The following DLG2 variants were observed in gnomAD, a reference collection of about 807,000 sequenced individuals.
DLG2 encodes the protein discs large MAGUK scaffold protein 2, also known as disks large homolog 2.
Under a neutral mutation model 132.5 loss-of-function variants are expected in DLG2, and 45 were observed. That is an observed-to-expected ratio of 0.34 (90% CI 0.27 to 0.44). The LOEUF is 0.44. DLG2 is among the 20% of genes least tolerant of loss of function. DLG2 has a pLI of 1.00. For synonymous variants in DLG2, 424 were observed against 419.6 expected (o/e 1.01, Z -0.13); for missense variants, 1,045 against 1,196.9 (o/e 0.87, Z 1.87).
chr11:85,191,160 G>GCACACACA (rs1256970184), intron 4 of DLG2, among the ~76,000 whole-genome samples: 97 of 101,160 alleles, frequency 9.6e-4, no homozygotes, highest in African/African-American at 3.7e-3. Context: ...GCGCGCACGC[G>GCACACACA]CGCACACACA....
At chr11:83,863,741 C>T (rs2061823367) in intron 16 of DLG2, among the ~76,000 whole-genome samples, 2 of 152,220 alleles carry the variant, frequency 1.3e-5, no homozygotes, top group South Asian at 4.2e-4. Context: ...GGTTTAGTAA[C>T]AGCTCAAGGT....
intron 6 of DLG2, among the ~76,000 whole-genome samples, chr11:84,729,396 G>C (rs2062878883): frequency 6.6e-6 from 1 of 152,138 alleles, no homozygotes; most frequent in Non-Finnish European, 1.5e-5. Context: ...TTTTGAGTGA[G>C]TTTCTTAATC....
intron 15 of DLG2, among the ~76,000 whole-genome samples, chr11:83,907,739 C>T (rs963563145): frequency 2.0e-5 from 3 of 152,134 alleles, no homozygotes; most frequent in African/African-American, 7.2e-5. Flanking sequence ...AAATCACACT[C>T]AGGAAATGTG....
chr11:85,312,254 A>G (rs1596150535), intron 3 of DLG2, among the ~76,000 whole-genome samples: 1 of 151,820 alleles, frequency 6.6e-6, no homozygotes, highest in South Asian at 2.1e-4. Flanking sequence ...AATGGATAAT[A>G]CCTTATTTTG....
intron 18 of DLG2, among the ~76,000 whole-genome samples, chr11:83,685,629 C>T (rs911440121): frequency 1.3e-5 from 2 of 152,022 alleles, no homozygotes; most frequent in East Asian, 1.9e-4. Flanking sequence ...TTTATACTCG[C>T]TCCCAAGGCT....
At chr11:84,923,173 C>A (rs2092840476) in intron 6 of DLG2, 1 of 1,611,936 alleles carries the variant, frequency 6.2e-7, no homozygotes, top group South Asian at 1.1e-5. Context: ...ACAGCGCAAG[C>A]CCCACACACA....
intron 7 of DLG2, among the ~76,000 whole-genome samples, chr11:84,364,223 C>T (rs1311631900): frequency 6.6e-6 from 1 of 151,984 alleles, no homozygotes; most frequent in Non-Finnish European, 1.5e-5. Context: ...AGAGGTCCTT[C>T]ACATCCCTTG....
At chr11:83,968,494 T>C (rs1001216567) in intron 12 of DLG2, among the ~76,000 whole-genome samples, 2 of 152,248 alleles carry the variant, frequency 1.3e-5, no homozygotes, top group African/African-American at 4.8e-5. Flanking sequence ...TGTCAGACTC[T>C]GGGCCAGATA....
At chr11:85,294,943 C>A (rs913901164) in intron 3 of DLG2, among the ~76,000 whole-genome samples, 5 of 152,176 alleles carry the variant, frequency 3.3e-5, no homozygotes, top group East Asian at 1.9e-4. Flanking sequence ...AAAAATACGA[C>A]CTCTAAAATG....
At chr11:83,603,849 G>A (rs1048877886) in intron 19 of DLG2, among the ~76,000 whole-genome samples, 1 of 152,096 alleles carries the variant, frequency 6.6e-6, no homozygotes, top group Non-Finnish European at 1.5e-5. Context: ...TTGCTTTATA[G>A]TTCTCCATGT....
intron 3 of DLG2, among the ~76,000 whole-genome samples, chr11:85,595,794 A>G (rs1355931771): frequency 6.6e-6 from 1 of 152,240 alleles, no homozygotes; most frequent in African/African-American, 2.4e-5. Flanking sequence ...TTTCAAAAAT[A>G]TTAAAAATTA....
At chr11:85,472,906 AAGAAG>A (rs1264193832) in intron 3 of DLG2, among the ~76,000 whole-genome samples, 3 of 152,208 alleles carry the variant, frequency 2.0e-5, no homozygotes, top group South Asian at 2.1e-4. Flanking sequence ...TGCTGGAAGC[AAGAAG>A]AGAAGAGTTG....
chr11:85,322,537 T>C (rs2081148541), intron 3 of DLG2, among the ~76,000 whole-genome samples: 1 of 152,142 alleles, frequency 6.6e-6, no homozygotes. Flanking sequence ...ATGTAGACTG[T>C]TCTCTCATTT....
At chr11:83,952,292 A>G (rs894828995) in intron 14 of DLG2, among the ~76,000 whole-genome samples, 26 of 152,280 alleles carry the variant, frequency 1.7e-4, no homozygotes, top group African/African-American at 5.3e-4. Context: ...GGCTGTAGTG[A>G]ACTGAGATCG....
intron 9 of DLG2, among the ~76,000 whole-genome samples, chr11:84,134,992 A>G (rs926220363): frequency 2.0e-5 from 3 of 152,040 alleles, no homozygotes; most frequent in African/African-American, 7.2e-5. Flanking sequence ...TGTTTGGGTG[A>G]CTAAAGTCAA....
intron 6 of DLG2, among the ~76,000 whole-genome samples, chr11:84,909,882 C>A (rs981927678): frequency 6.6e-6 from 1 of 152,206 alleles, no homozygotes; most frequent in African/African-American, 2.4e-5. Flanking sequence ...GCATACCCAG[C>A]CAAATCCCTG....
chr11:85,584,876 C>G (rs1375510120), intron 3 of DLG2, among the ~76,000 whole-genome samples: 4 of 152,226 alleles, frequency 2.6e-5, no homozygotes, highest in South Asian at 4.1e-4. Flanking sequence ...GATTTGTTTT[C>G]ATTCCCTGTA....
rs192356354 is a variant in DLG2 at position 83,719,545 on chromosome 11, G to A, written c.1825+67145C>T. Among the ~76,000 whole-genome samples the A allele has an allele frequency of 4.7e-3, 714 of 152,266 alleles. 1 individual carries two copies. Among genetic ancestry groups the A allele is most frequent in the Middle Eastern group, 0.024 (7 of 294 alleles). ...CTCCTGGCAAAAGGGGAAGGTTAGC[G>A]GGCATGTGCAGAAGTCAAACAGTGA... is the stretch of plus-strand genomic sequence containing the variant. On this transcript the variant is annotated intron_variant, in intron 18 of 27. Transcript: ENST00000376104.
At chr11:84,870,367 A>C (rs796705383) in intron 6 of DLG2, among the ~76,000 whole-genome samples, 4 of 152,314 alleles carry the variant, frequency 2.6e-5, no homozygotes, top group African/African-American at 9.6e-5. Context: ...TCTTTCCAGC[A>C]AGATCCTGTT....
Sources: gnomAD v4.1 joint callset for allele counts (sites outside exome capture counted in the v4.1 genomes callset) on GRCh38, gnomAD v4.1.1 for gene constraint, MANE v1.5 for transcripts, NCBI Gene and HGNC (gene_info 2026-07-23, HGNC 2026-07-21) for gene names.